The following MAPK10 variants were observed in gnomAD, a reference collection of about 807,000 sequenced individuals.
MAPK10 encodes JNK3 alpha protein kinase.
A neutral mutation model predicts 59.3 loss-of-function variants in MAPK10; 25 were observed. That is an observed-to-expected ratio of 0.42 (90% confidence interval 0.31 to 0.59). The LOEUF is 0.59. Among genes scored for constraint, MAPK10 ranks in the 20% least tolerant of loss-of-function variants. MAPK10 has a pLI of 0.15. For synonymous variants in MAPK10, 190 were observed against 200.5 expected, an observed-to-expected ratio of 0.95 and a Z score of 0.44; for missense variants, 351 against 568.9, an observed-to-expected ratio of 0.62 and a Z score of 3.90.
chr4:86,546,673 C>A (rs1759203145), intron 1 of MAPK10, among the ~76,000 whole-genome samples: 1 of 152,122 alleles, frequency 6.6e-6, no homozygotes, highest in Non-Finnish European at 1.5e-5. Flanking sequence ...GCCCATGAGG[C>A]CAGCCCTACT....
intron 13 of MAPK10, chr4:86,024,077 C>CAA (rs1748907232): frequency 6.6e-6 from 1 of 151,642 alleles, no homozygotes; most frequent in African/African-American, 2.4e-5. Flanking sequence ...TAGGCTTTTT[C>CAA]CCCTATCCTG....
chr4:86,463,883 G>C (rs976610777), intron 1 of MAPK10, among the ~76,000 whole-genome samples: 1 of 152,144 alleles, frequency 6.6e-6, no homozygotes, highest in Non-Finnish European at 1.5e-5. Flanking sequence ...TAGATCCAGA[G>C]AAGACTCTAG....
At chr4:86,515,985 T>C (rs143073820) in intron 1 of MAPK10, among the ~76,000 whole-genome samples, 2,497 of 152,138 alleles carry the variant, frequency 0.016, 27 homozygotes, top group Middle Eastern at 0.031. Context: ...ATTTTTCCAA[T>C]GTTGTCTTCT....
intron 11 of MAPK10, among the ~76,000 whole-genome samples, chr4:86,038,257 C>T (rs1288371650): frequency 6.6e-6 from 1 of 152,188 alleles, no homozygotes; most frequent in Non-Finnish European, 1.5e-5. Flanking sequence ...TGTTCTGCTG[C>T]CTTGTTTAAA....
chr4:86,343,377 G>A (rs1441832432), intron 2 of MAPK10, among the ~76,000 whole-genome samples: 1 of 152,150 alleles, frequency 6.6e-6, no homozygotes, highest in Non-Finnish European at 1.5e-5. Context: ...CAGATTTTGT[G>A]ACAGGTAATG....
intron 4 of MAPK10, among the ~76,000 whole-genome samples, chr4:86,137,706 G>C (rs1297630929): frequency 1.6e-5 from 2 of 127,364 alleles, no homozygotes; most frequent in Non-Finnish European, 3.2e-5. Context: ...GAAGGAAATA[G>C]AGACACAAAA....
chr4:86,108,493 T>A (rs184690730), intron 4 of MAPK10, among the ~76,000 whole-genome samples: 2 of 152,254 alleles, frequency 1.3e-5, no homozygotes, highest in Admixed American at 1.3e-4. Flanking sequence ...AAAATGGAAT[T>A]TCTGTACTGT....
chr4:86,161,671 A>G (rs2069728292), intron 3 of MAPK10, among the ~76,000 whole-genome samples: 1 of 152,100 alleles, frequency 6.6e-6, no homozygotes, highest in Non-Finnish European at 1.5e-5. Flanking sequence ...CTGACCACAC[A>G]CAAAATCTTT....
intron 1 of MAPK10, among the ~76,000 whole-genome samples, chr4:86,509,610 A>T (rs1756060581): frequency 6.6e-6 from 1 of 152,200 alleles, no homozygotes; most frequent in Non-Finnish European, 1.5e-5. Context: ...TACAGAATTT[A>T]GCCAGTCCCA....
chr4:86,340,658 G>A (rs1578531906), intron 2 of MAPK10, among the ~76,000 whole-genome samples: 1 of 151,984 alleles, frequency 6.6e-6, no homozygotes, highest in Non-Finnish European at 1.5e-5. Flanking sequence ...ATATGGTTAA[G>A]GTAAGTGTAC....
intron 2 of MAPK10, among the ~76,000 whole-genome samples, chr4:86,296,950 G>A (rs1388422692): frequency 2.0e-5 from 3 of 152,146 alleles, no homozygotes; most frequent in Non-Finnish European, 4.4e-5. Flanking sequence ...CACTTGCTAC[G>A]CAGTGGTTAT....
chr4:86,154,316 A>T (rs2067170410), intron 4 of MAPK10, among the ~76,000 whole-genome samples: 4 of 152,162 alleles, frequency 2.6e-5, no homozygotes, highest in Admixed American at 2.6e-4. Context: ...TAATGTTTAC[A>T]ACTAACATAT....
chr4:86,396,158 T>C lies in MAPK10; in HGVS notation c.-121-41514A>G, dbSNP rs189731196. 4.5e-3 allele frequency among the ~76,000 whole-genome samples: 687 copies of C among 152,200 alleles called. 2 individuals carry two copies. Among genetic ancestry groups the C allele is most frequent in the Middle Eastern group, 0.01 (3 of 294 alleles). ...GCCAGGAGATCGAGACCATCCTGGC[T>C]AACATGGTGAAAGCCCGTCTCTACT... is the stretch of plus-strand genomic sequence containing the variant. On this transcript the variant is annotated intron_variant, in intron 1 of 13. Coordinates refer to the MAPK10 transcript ENST00000361569.
chr4:86,218,908 T>G (rs903012831), intron 2 of MAPK10, among the ~76,000 whole-genome samples: 6 of 152,162 alleles, frequency 3.9e-5, no homozygotes, highest in African/African-American at 1.4e-4. Flanking sequence ...AACTCAATAG[T>G]AGAGATAAGT....
intron 2 of MAPK10, among the ~76,000 whole-genome samples, chr4:86,351,396 A>ACACACACAC: frequency 7.5e-6 from 1 of 132,548 alleles, no homozygotes; most frequent in East Asian, 2.4e-4. Flanking sequence ...TGTATACACA[A>ACACACACAC]ACACACACAC....
intron 1 of MAPK10, among the ~76,000 whole-genome samples, chr4:86,576,683 G>A (rs1412553616): frequency 6.6e-6 from 1 of 152,070 alleles, no homozygotes; most frequent in Non-Finnish European, 1.5e-5. Context: ...GCTGAGGCAG[G>A]AGAATGGCAT....
intron 13 of MAPK10, among the ~76,000 whole-genome samples, chr4:86,025,925 A>G (rs542959816): frequency 6.6e-6 from 1 of 152,352 alleles, no homozygotes; most frequent in South Asian, 2.1e-4. Flanking sequence ...AAAAAGCACA[A>G]GAATGAAAAA....
chr4:86,528,487 T>A (rs1248308280), intron 1 of MAPK10, among the ~76,000 whole-genome samples: 2 of 152,212 alleles, frequency 1.3e-5, no homozygotes, highest in Non-Finnish European at 2.9e-5. Flanking sequence ...TAAAATATTT[T>A]AAGTCTACTA....
At chr4:86,304,550 G>C (rs1465394395) in intron 2 of MAPK10, among the ~76,000 whole-genome samples, 1 of 148,810 alleles carries the variant, frequency 6.7e-6, no homozygotes. Context: ...CCGCCACCGC[G>C]CCCGGCTAAT....
Sources: allele counts gnomAD v4.1 joint callset (sites outside exome capture counted in the v4.1 genomes callset), GRCh38; gene constraint gnomAD v4.1.1; transcripts MANE v1.5; gene names NCBI Gene and HGNC (gene_info 2026-07-23, HGNC 2026-07-21).